TARBP1: variants seen among roughly 807,000 people sequenced by gnomAD.
TARBP1 encodes tRNA guanosine 2 -O-methyltransferase TARBP1.
A neutral mutation model predicts 178.6 loss-of-function variants in TARBP1; 144 were observed. The ratio of observed to expected loss-of-function variants is 0.81; its 90% confidence interval spans 0.70 to 0.93. The LOEUF is 0.93. Among genes scored for constraint, TARBP1 ranks in the 40% least tolerant of loss-of-function variants. The probability of loss-of-function intolerance (pLI) is 0.00; values close to 1 mark genes in which losing one functional copy is unlikely to be tolerated. For missense variants in TARBP1, 2,067 were observed against 2,011.7 expected (o/e 1.03, Z -0.53); for synonymous variants, 787 against 781.0 (o/e 1.01, Z -0.13).
intron 24 of TARBP1, among the ~76,000 whole-genome samples, chr1:234,402,517 A>G (rs903214965): frequency 1.3e-5 from 2 of 152,164 alleles, no homozygotes; most frequent in African/African-American, 4.8e-5. Flanking sequence ...GACACCAGTA[A>G]ACCTACCACT....
intron 6 of TARBP1, among the ~76,000 whole-genome samples, chr1:234,461,388 A>G (rs1572386103): frequency 6.6e-6 from 1 of 152,062 alleles, no homozygotes; most frequent in East Asian, 1.9e-4. Context: ...TACTACTACA[A>G]CCTCCACCTC....
Position 234,430,195 on chromosome 1 carries a change from T to C in TARBP1, c.2501A>G (p.His834Arg), listed in dbSNP as rs758980345. Residue 834 changes from histidine (H) to arginine (R), a missense_variant, in exon 15 of 30, where the codon CAT (histidine) becomes CGT (arginine). By Grantham distance (29) the His-to-Arg change is conservative. Coordinates refer to ENST00000040877, the MANE Select transcript of TARBP1 (RefSeq NM_005646.4). ...QKPELQLDSL[H>R]AGPLESFLSS... ...AAGGAAGCTTTCCAGGGGCCCAGCA[T>C]GGAGAGAGTCCAGCTGCAGCTCAGG... is the stretch of plus-strand genomic sequence containing the variant. 3.1e-6 allele frequency: 5 copies of C among 1,614,232 alleles called. No individual in the cohort carries two copies. The Admixed American group carries it at 6.7e-5, about 22-fold the overall frequency.
intron 3 of TARBP1, among the ~76,000 whole-genome samples, chr1:234,470,725 C>G (rs1283807878): frequency 6.6e-6 from 1 of 151,346 alleles, no homozygotes; most frequent in African/African-American, 2.4e-5. Flanking sequence ...GAGTGATTCT[C>G]TTGCCTCAGC....
At chr1:234,418,973 C>A (rs961055492) in intron 21 of TARBP1, among the ~76,000 whole-genome samples, 9 of 152,028 alleles carry the variant, frequency 5.9e-5, no homozygotes, top group African/African-American at 1.9e-4. Context: ...AAGATCGAGA[C>A]CATCCTGGCT....
At chr1:234,445,234 C>A (rs931113458) in intron 12 of TARBP1, among the ~76,000 whole-genome samples, 2 of 152,124 alleles carry the variant, frequency 1.3e-5, no homozygotes, top group African/African-American at 4.8e-5. Flanking sequence ...GCTATAAATT[C>A]CCCTAGGTAC....
chr1:234,433,581 G>A lies in TARBP1; in HGVS notation c.2233-10C>T, dbSNP rs1475110883. On this transcript the variant is annotated splice_polypyrimidine_tract_variant and intron_variant, in intron 13 of 29. Coordinates refer to ENST00000040877, the MANE Select transcript of TARBP1 (RefSeq NM_005646.4). ...GATCCAGATCTGAAACCTAAGACAAGGATTAAAACACTTAAGGGTACAAGC... is the reference window on the plus strand; with the variant it reads ...GATCCAGATCTGAAACCTAAGACAAAGATTAAAACACTTAAGGGTACAAGC... 1.2e-6 allele frequency: 2 copies of A among 1,604,330 alleles called. No individual in the cohort carries two copies. Among genetic ancestry groups the A allele is most frequent in the Non-Finnish European group, 1.7e-6 (2 of 1,177,506 alleles).
intron 3 of TARBP1, among the ~76,000 whole-genome samples, chr1:234,468,567 T>C (rs983542846): frequency 1.3e-5 from 2 of 152,196 alleles, no homozygotes; most frequent in Non-Finnish European, 2.9e-5. Context: ...AGATTTGGAA[T>C]AGTTTCAACC....
In TARBP1 at chr1:234,437,353, AAGAAC is replaced by A. The variant is rs1665131731; in HGVS notation, c.2149_2153del (p.Val717SerfsTer13). The A allele has an allele frequency of 1.9e-6, 3 of 1,588,070 alleles. No homozygotes were observed. The highest frequency in any genetic ancestry group is 2.6e-6 in the Non-Finnish European group (3 of 1,167,266). ...CTGTAGTAGACATGAAAAAGTTCTGAAGAACAGTAGACACCTCATCTGTATGGGGG... is the reference window on the plus strand; with the variant it reads ...CTGTAGTAGACATGAAAAAGTTCTGAAGTAGACACCTCATCTGTATGGGGG... On this transcript the variant is annotated frameshift_variant, in exon 13 of 30. Transcript: ENST00000040877. LOFTEE classifies it high-confidence loss of function.
At chr1:234,402,683 T>C (rs992086808) in intron 24 of TARBP1, among the ~76,000 whole-genome samples, 3 of 152,072 alleles carry the variant, frequency 2.0e-5, no homozygotes, top group African/African-American at 7.2e-5. Context: ...CAGGTGATTC[T>C]CTCACCTCAG....
At position 234,393,403 on chromosome 1, in the gene TARBP1, G is replaced by A. The variant is rs1425575207; in HGVS notation, c.4519C>T (p.His1507Tyr). ...CACTGTTCTGCAGAGACACTGAGGT[G>A]CTGAAACTGTTTGTCGCTGATACAC... ...LQCISDKQFQ[H>Y]LSVSAEQWLP... The change falls in exon 28 of 30, where the codon CAC (histidine) becomes TAC (tyrosine). Residue 1507 changes from histidine to tyrosine, a missense_variant. By Grantham distance (83) the His-to-Tyr change is moderately conservative. Coordinates refer to ENST00000040877, the MANE Select transcript of TARBP1 (RefSeq NM_005646.4). The A allele has an allele frequency of 6.2e-7, 1 of 1,606,536 alleles. No individual in the cohort carries two copies. The highest frequency in any genetic ancestry group is 8.5e-7 in the Non-Finnish European group (1 of 1,176,076).
chr1:234,467,135 T>C (rs149889006), intron 4 of TARBP1, among the ~76,000 whole-genome samples: 16 of 152,316 alleles, frequency 1.1e-4, no homozygotes, highest in African/African-American at 3.8e-4. Context: ...ATTGAGGCAG[T>C]AGCATCACTA....
At chr1:234,420,957 G>C (rs1485335261) in intron 20 of TARBP1, 145 bp from the exon 21 acceptor site, 6 of 457,844 alleles carry the variant, frequency 1.3e-5, no homozygotes, top group African/African-American at 2.0e-5. Context: ...AGGAGGATGA[G>C]AAAAAGAATG....
At chr1:234,461,545 G>A (rs552318046) in intron 6 of TARBP1, among the ~76,000 whole-genome samples, 1 of 152,302 alleles carries the variant, frequency 6.6e-6, no homozygotes, top group Admixed American at 6.5e-5. Context: ...AACCTCAGGT[G>A]ATCTGCCCAC....
Position 234,472,708 on chromosome 1 carries a change from A to G in TARBP1, c.1029+6T>C, listed in dbSNP as rs1358151449. 6.4e-7 allele frequency: 1 copy of G among 1,560,158 alleles called. No homozygotes were observed. Among genetic ancestry groups the G allele is most frequent in the Non-Finnish European group, 8.7e-7 (1 of 1,153,310 alleles). On this transcript the variant is annotated splice_donor_region_variant and intron_variant, in intron 2 of 29. Coordinates refer to ENST00000040877, the MANE Select transcript of TARBP1 (RefSeq NM_005646.4). ...GTAGGATTTGCTAAAATAGAAAAAC[A>G]CTTACCTGATTTCCTTCTAAAGTCT... is the stretch of plus-strand genomic sequence containing the variant.
At chr1:234,426,493 G>A (rs951246071) in intron 19 of TARBP1, among the ~76,000 whole-genome samples, 2 of 151,768 alleles carry the variant, frequency 1.3e-5, no homozygotes, top group Non-Finnish European at 2.9e-5. Context: ...TAAAAACAAT[G>A]AAAAAAATGT....
intron 20 of TARBP1, among the ~76,000 whole-genome samples, chr1:234,423,019 T>C (rs868168350): frequency 9.9e-5 from 15 of 152,234 alleles, no homozygotes; most frequent in African/African-American, 3.1e-4. Flanking sequence ...CCAGAGCTTC[T>C]GATTCTGTAG....
chr1:234,430,616 G>A (rs1210980253), intron 14 of TARBP1, among the ~76,000 whole-genome samples: 2 of 152,170 alleles, frequency 1.3e-5, no homozygotes, highest in African/African-American at 4.8e-5. Flanking sequence ...AGAACCCAAA[G>A]CTGTGTGTAA....
intron 11 of TARBP1, among the ~76,000 whole-genome samples, chr1:234,448,220 T>A (rs1666382834): frequency 6.6e-6 from 1 of 152,232 alleles, no homozygotes; most frequent in Admixed American, 6.5e-5. Context: ...ATTACAGGCA[T>A]GAGCTACTGT....
chr1:234,478,498 A>G lies in TARBP1; in HGVS notation c.606T>C (p.Cys202=). The change falls in exon 1 of 30, where the codon TGT becomes TGC. Residue 202 remains cysteine, a synonymous_variant. Coordinates refer to ENST00000040877, the MANE Select transcript of TARBP1 (RefSeq NM_005646.4). The part of the protein sequence containing the change: ...AGRLLPVLVQ[C]GGAALRAVWG... ...ACACGGCCCGCAGCGCCGCCCCGCCACATTGGACCAGCACTGGCAGCAGTC... is the reference window on the plus strand; with the variant it reads ...ACACGGCCCGCAGCGCCGCCCCGCCGCATTGGACCAGCACTGGCAGCAGTC... 7.2e-7 allele frequency: 1 copy of G among 1,391,182 alleles called. No homozygotes were observed. The highest frequency in any genetic ancestry group is 3.4e-5 in the East Asian group (1 of 29,752). 86.2% of individuals were successfully genotyped at this position (1,391,182 alleles called of 1,614,324 possible). A position where few individuals can be genotyped will look rare whatever the true frequency, so the allele number is the denominator to read the frequency against.
Sources: gnomAD v4.1 joint callset for allele counts (sites outside exome capture counted in the v4.1 genomes callset) on GRCh38, gnomAD v4.1.1 for gene constraint, MANE v1.5 for transcripts, NCBI Gene and HGNC (gene_info 2026-07-23, HGNC 2026-07-21) for gene names.